The following SUCLA2 variants were observed in gnomAD, a reference collection of about 807,000 sequenced individuals.
SUCLA2 encodes the protein succinate--CoA ligase [ADP-forming] subunit beta, mitochondrial.
Under a neutral mutation model 54.8 loss-of-function variants are expected in SUCLA2, and 30 were observed. The observed-to-expected ratio is 0.55, with a 90% CI of 0.41 to 0.74. The LOEUF (loss-of-function observed/expected upper bound fraction) is 0.74. SUCLA2 is among the 30% of genes least tolerant of loss of function. SUCLA2 has a pLI of 0.00. For missense variants in SUCLA2, 476 were observed against 562.9 expected (o/e 0.85, Z 1.56); for synonymous variants, 172 against 188.9 (o/e 0.91, Z 0.74).
At chr13:47,993,853 T>A (rs186361945) in intron 2 of SUCLA2, among the ~76,000 whole-genome samples, 9 of 152,110 alleles carry the variant, frequency 5.9e-5, no homozygotes, top group Non-Finnish European at 1.2e-4. Flanking sequence ...CTGATCAACA[T>A]GGAGAAACCC....
At chr13:47,959,512 AG>A (rs373149207) in intron 6 of SUCLA2, among the ~76,000 whole-genome samples, 87,337 of 125,234 alleles carry the variant, frequency 0.7, 32,932 homozygotes, top group Non-Finnish European at 0.79. Context: ...GGGGAGGAGG[AG>A]GAGGAGGAGG....
rs1194888165 is a variant in SUCLA2, at chr13:47,977,314, C to T, written c.535-3922G>A. Among the ~76,000 whole-genome samples, 3 of 152,118 alleles carry T rather than the reference C, an allele frequency of 2.0e-5. No homozygotes were observed. In the East Asian group the frequency reaches 5.8e-4, roughly 29 times the overall value. On this transcript the variant is annotated intron_variant, in intron 4 of 10. Coordinates refer to ENST00000646932, the MANE Select transcript of SUCLA2 (RefSeq NM_003850.3). ...TCAAAAACTTCTAAGCAACAGGAAG[C>T]CCGGGACCAAATGGCTTCACTGGAA...
intron 5 of SUCLA2, among the ~76,000 whole-genome samples, chr13:47,970,838 C>T (rs1315039097): frequency 6.6e-6 from 1 of 151,746 alleles, no homozygotes; most frequent in Non-Finnish European, 1.5e-5. Flanking sequence ...CCAGTCTGGG[C>T]AACAGAGCAA....
intron 6 of SUCLA2, among the ~76,000 whole-genome samples, chr13:47,960,570 G>A (rs1949862398): frequency 6.6e-6 from 1 of 152,008 alleles, no homozygotes; most frequent in African/African-American, 2.4e-5. Context: ...TGTGATGTGG[G>A]TACAAAGTTT....
chr13:47,960,340 C>T (rs1949859707), intron 6 of SUCLA2, among the ~76,000 whole-genome samples: 2 of 152,000 alleles, frequency 1.3e-5, no homozygotes, highest in African/African-American at 4.8e-5. Context: ...TAGAGGACAC[C>T]AGCCATTTAA....
At chr13:47,958,285 A>C (rs9567960) in intron 6 of SUCLA2, among the ~76,000 whole-genome samples, 110,867 of 152,082 alleles carry the variant, frequency 0.73, 41,379 homozygotes, top group Non-Finnish European at 0.82. Context: ...ACCATGTAAA[A>C]TCAGTGAGTT....
At chr13:47,962,529 A>T (rs1025954992) in intron 6 of SUCLA2, among the ~76,000 whole-genome samples, 1 of 152,146 alleles carries the variant, frequency 6.6e-6, no homozygotes, top group African/African-American at 2.4e-5. Flanking sequence ...TTGCAGGTAG[A>T]TTGGTAGAAG....
intron 1 of SUCLA2, chr13:48,000,798 G>C: frequency 1.0e-6 from 1 of 1,002,212 alleles, no homozygotes; most frequent in Non-Finnish European, 1.2e-6. Flanking sequence ...CTTTTGAAGG[G>C]CATTCCCCCC....
chr13:47,979,321 A>G (rs1052182369), intron 4 of SUCLA2, among the ~76,000 whole-genome samples: 44 of 152,216 alleles, frequency 2.9e-4, no homozygotes, highest in Non-Finnish European at 6.5e-4. Context: ...AAAAAGGATG[A>G]GTTCATATCC....
At chr13:47,992,117 A>G (rs1342591839) in intron 2 of SUCLA2, among the ~76,000 whole-genome samples, 1 of 152,248 alleles carries the variant, frequency 6.6e-6, no homozygotes. Context: ...CAAGGCAAAC[A>G]GTGCAAATGT....
chr13:47,945,027 G>A (rs1593474588), intron 10 of SUCLA2, among the ~76,000 whole-genome samples: 1 of 151,870 alleles, frequency 6.6e-6, no homozygotes, highest in Non-Finnish European at 1.5e-5. Flanking sequence ...CGAGGCAGGT[G>A]GATCACAAAG....
intron 4 of SUCLA2, among the ~76,000 whole-genome samples, chr13:47,985,696 A>AT (rs1412394485): frequency 3.3e-5 from 5 of 152,192 alleles, no homozygotes; most frequent in Non-Finnish European, 5.9e-5. Context: ...TGCAGTGAAC[A>AT]TACCGATGCA....
chr13:47,959,900 C>T (rs1949854290), intron 6 of SUCLA2, among the ~76,000 whole-genome samples: 3 of 152,224 alleles, frequency 2.0e-5, no homozygotes, highest in African/African-American at 7.2e-5. Context: ...ATTTCACATA[C>T]ATGCTTACAT....
intron 2 of SUCLA2, among the ~76,000 whole-genome samples, 198 bp downstream of exon 2, chr13:47,996,645 C>T (rs1593505510): frequency 6.6e-6 from 1 of 151,754 alleles, no homozygotes; most frequent in Non-Finnish European, 1.5e-5. Context: ...ACGTCACTGG[C>T]ATTATGGGTG....
chr13:47,969,298 TAA>T (rs139821186), intron 5 of SUCLA2, among the ~76,000 whole-genome samples: 12,869 of 152,262 alleles, frequency 0.085, 721 homozygotes, highest in South Asian at 0.18. Context: ...GTATAATTTA[TAA>T]AGAGTGTCTA....
intron 2 of SUCLA2, among the ~76,000 whole-genome samples, chr13:47,992,508 T>G (rs2137748258): frequency 6.6e-6 from 1 of 152,198 alleles, no homozygotes; most frequent in South Asian, 2.1e-4. Flanking sequence ...TTTATTCAAT[T>G]CCATTAATTC....
chr13:47,996,692 C>CAATAATAATAAAGT (rs1950194222), intron 2 of SUCLA2, 151 bp downstream of exon 2: 1 of 580,888 alleles, frequency 1.7e-6, no homozygotes, highest in East Asian at 3.3e-5. Context: ...TTTAGAATTT[C>CAATAATAATAAAGT]AATAATAATA....
intron 2 of SUCLA2, among the ~76,000 whole-genome samples, chr13:47,990,851 C>T (rs549892008): frequency 7.9e-4 from 120 of 152,322 alleles, no homozygotes; most frequent in Non-Finnish European, 1.5e-3. Flanking sequence ...CTAAAGTTTA[C>T]ACATTAACAA....
chr13:47,976,532 C>T (rs1189578382), intron 4 of SUCLA2, among the ~76,000 whole-genome samples: 2 of 152,174 alleles, frequency 1.3e-5, no homozygotes, highest in East Asian at 3.9e-4. Context: ...AACCAGCATA[C>T]TCTGGATGCC....
Sources: gnomAD v4.1 joint callset for allele counts (sites outside exome capture counted in the v4.1 genomes callset) on GRCh38, gnomAD v4.1.1 for gene constraint, MANE v1.5 for transcripts, NCBI Gene and HGNC (gene_info 2026-07-23, HGNC 2026-07-21) for gene names.